SLC25A42: variants seen among roughly 807,000 people sequenced by gnomAD.
SLC25A42 encodes mitochondrial coenzyme A transporter SLC25A42.
A neutral mutation model predicts 34.7 loss-of-function variants in SLC25A42; 19 were observed. The ratio of observed to expected loss-of-function variants is 0.55; its 90% CI spans 0.38 to 0.80. The LOEUF is 0.80. Among genes scored for constraint, SLC25A42 ranks in the 30% least tolerant of loss-of-function variants. The pLI is 0.00. For synonymous variants in SLC25A42, 205 were observed against 191.2 expected (o/e 1.07, Z -0.59); for missense variants, 364 against 441.3 (o/e 0.82, Z 1.57).
chr19:19,086,626 G>T (rs1055205484), intron 1 of SLC25A42, among the ~76,000 whole-genome samples: 2 of 151,796 alleles, frequency 1.3e-5, no homozygotes, highest in Non-Finnish European at 2.9e-5. Flanking sequence ...TGTGGTTTTG[G>T]GGGGTTTTGC....
intron 2 of SLC25A42, among the ~76,000 whole-genome samples, chr19:19,099,617 C>G (rs1480428461): frequency 2.0e-5 from 3 of 152,180 alleles, no homozygotes; most frequent in Admixed American, 2.0e-4. Flanking sequence ...CATGCTCAGT[C>G]TGACTCCGGT....
At position 19,080,790 on chromosome 19, in the gene SLC25A42, C is replaced by T. The variant is rs148675449; in HGVS notation, c.-34-15301C>T. 3.6e-4 allele frequency among the ~76,000 whole-genome samples: 54 copies of T among 151,842 alleles called. No individual in the cohort carries two copies. The East Asian group carries it at 9.3e-3, about 26-fold the overall frequency. ...CAAAAATTAGCTGGGCTTGGTGGTA[C>T]CTATCTGTGGTCCCAGCTACTTGGG... On this transcript the variant is annotated intron_variant, in intron 1 of 7. Transcript: ENST00000318596.
At chr19:19,083,964 G>A (rs2059693754) in intron 1 of SLC25A42, among the ~76,000 whole-genome samples, 1 of 136,920 alleles carries the variant, frequency 7.3e-6, no homozygotes, top group Admixed American at 7.4e-5. Context: ...GCGTGCCCCT[G>A]CAGGCACCTT....
Position 19,110,774 on chromosome 19 carries a change from C to T in SLC25A42, c.855C>T (p.Tyr285=). Residue 285 remains tyrosine (Y), a synonymous_variant, in exon 8 of 8, where the codon TAC becomes TAT. Transcript: ENST00000318596. ...AGGAGGGCGCCGTGCGCGGCCTCTACAAAGGCTTGAGCATGAACTGGGTCA... is the reference window on the plus strand; with the variant it reads ...AGGAGGGCGCCGTGCGCGGCCTCTATAAAGGCTTGAGCATGAACTGGGTCA... ...VREEGAVRGL[Y]KGLSMNWVKG... The T allele has an allele frequency of 6.2e-7, 1 of 1,613,666 alleles. No homozygotes were observed. Among genetic ancestry groups the T allele is most frequent in the Non-Finnish European group, 8.5e-7 (1 of 1,179,974 alleles).
chr19:19,066,927 G>A (rs1333815472), intron 1 of SLC25A42, among the ~76,000 whole-genome samples: 2 of 151,342 alleles, frequency 1.3e-5, no homozygotes, highest in Non-Finnish European at 2.9e-5. Context: ...TGAGGTGGGA[G>A]GATTGCTTGA....
Position 19,081,709 on chromosome 19 carries a change from C to T in SLC25A42, c.-34-14382C>T, listed in dbSNP as rs1207430672. Among the ~76,000 whole-genome samples the T allele has an allele frequency of 2.6e-5, 4 of 152,194 alleles. No individual in the cohort carries two copies. The highest frequency in any genetic ancestry group is 9.7e-5 in the African/African-American group (4 of 41,440). On this transcript the variant is annotated intron_variant, in intron 1 of 7. Transcript: ENST00000318596. This position sits in a 1 kb window ranked among gnomAD's most constrained non-coding sequence, Gnocchi z 4.5. Reference sequence around the variant, plus strand: ...GGACAGGCTCCTGAGGCGCCCGCCACCTCCCTCCACTGCAGCCTACCGTCC... The same window carrying T: ...GGACAGGCTCCTGAGGCGCCCGCCATCTCCCTCCACTGCAGCCTACCGTCC...
At chr19:19,101,722 A>T (rs932631727) in intron 2 of SLC25A42, 59 bp from the exon 3 acceptor site, 2 of 1,477,738 alleles carry the variant, frequency 1.4e-6, no homozygotes, top group Non-Finnish European at 1.9e-6. Flanking sequence ...TTCTGGGGCA[A>T]GGTCCTCTGC....
intron 1 of SLC25A42, among the ~76,000 whole-genome samples, chr19:19,080,360 A>C (rs1427255125): frequency 6.6e-6 from 1 of 152,024 alleles, no homozygotes; most frequent in Non-Finnish European, 1.5e-5. Context: ...CCCACCCCCT[A>C]CCCATTGGAT....
intron 1 of SLC25A42, among the ~76,000 whole-genome samples, chr19:19,089,630 G>A (rs149735642): frequency 6.6e-6 from 1 of 151,994 alleles, no homozygotes; most frequent in African/African-American, 2.4e-5. Context: ...CACTTTGGGA[G>A]GCCAAGGAGG....
At chr19:19,075,130 G>A (rs1299840220) in intron 1 of SLC25A42, among the ~76,000 whole-genome samples, 2 of 152,074 alleles carry the variant, frequency 1.3e-5, no homozygotes, top group East Asian at 1.9e-4. Flanking sequence ...TCCAGCCTGG[G>A]TGACAGAGTG....
rs1304295158 is a variant in SLC25A42, at chr19:19,095,945, TAC to T, written c.-34-140_-34-139del. The T allele has an allele frequency of 5.7e-6, 4 of 704,314 alleles. No individual in the cohort carries two copies. In the Admixed American group the frequency reaches 8.0e-5, roughly 14 times the overall value. The allele number at this position is 704,314 out of a possible 1,614,324, so 43.6% of individuals were successfully genotyped here. On this transcript the variant is annotated intron_variant, in intron 1 of 7. Coordinates refer to ENST00000318596, the MANE Select transcript of SLC25A42 (RefSeq NM_178526.5). ...AAGGCTTTTGTAAATGATTAAGCAG[TAC>T]ACACAGGACCGTGGCTGCGGAATGC...
At position 19,104,940 on chromosome 19, in the gene SLC25A42, T is replaced by C; in HGVS notation, c.213+2T>C. The C allele has an allele frequency of 6.2e-7, 1 of 1,614,150 alleles. No homozygotes were observed. The highest frequency in any genetic ancestry group is 8.5e-7 in the Non-Finnish European group (1 of 1,180,012). On this transcript the variant is annotated splice_donor_variant, in intron 4 of 7. Coordinates refer to ENST00000318596, the MANE Select transcript of SLC25A42 (RefSeq NM_178526.5). LOFTEE classifies it high-confidence loss of function. The stretch of plus-strand genomic sequence containing the variant: ...TCTTCAAAAAGATTTTCTGCCAAGG[T>C]GAGCCACTATGTCACCGCCCCGGCC...
intron 3 of SLC25A42, 84 bp from the exon 4 acceptor site, chr19:19,104,829 T>C (rs2059817549): frequency 2.7e-6 from 4 of 1,483,546 alleles, no homozygotes; most frequent in Non-Finnish European, 3.8e-6. Context: ...GTGACTCTGC[T>C]AGTGGGTGCC....
intron 1 of SLC25A42, among the ~76,000 whole-genome samples, chr19:19,066,492 A>G (rs2059603424): frequency 7.0e-6 from 1 of 142,364 alleles, no homozygotes; most frequent in Admixed American, 7.4e-5. Context: ...TCTGTCGCCC[A>G]GGCTGGAGTG....
chr19:19,071,825 C>T (rs1001100507), intron 1 of SLC25A42, among the ~76,000 whole-genome samples: 1 of 151,630 alleles, frequency 6.6e-6, no homozygotes, highest in Non-Finnish European at 1.5e-5. Context: ...AAGATTGCAC[C>T]ACTGCACTCC....
chr19:19,097,554 C>T (rs968065517), intron 2 of SLC25A42, among the ~76,000 whole-genome samples: 8 of 152,262 alleles, frequency 5.3e-5, no homozygotes, highest in African/African-American at 1.9e-4. Context: ...GGGCATCACA[C>T]ACACATGCCC....
chr19:19,077,081 G>A (rs1339412534), intron 1 of SLC25A42, among the ~76,000 whole-genome samples: 1 of 152,218 alleles, frequency 6.6e-6, no homozygotes, highest in African/African-American at 2.4e-5. Flanking sequence ...CTACTCAGGA[G>A]GCTGAGGTAG....
chr19:19,098,636 T>C (rs1007483), intron 2 of SLC25A42, among the ~76,000 whole-genome samples: 126,878 of 152,036 alleles, frequency 0.83, 53,042 homozygotes, highest in East Asian at 0.91. Flanking sequence ...TTAAGAGCCT[T>C]GGCTGGGCCC....
rs117447119 is a variant in SLC25A42, at chr19:19,104,647, G to A, written c.188-266G>A. On this transcript the variant is annotated intron_variant, in intron 3 of 7. Coordinates refer to ENST00000318596, the MANE Select transcript of SLC25A42 (RefSeq NM_178526.5). Reference sequence around the variant, plus strand: ...GCTGAGACCCAAGTGCCTGGAGGCTGGGACACCTTCCCTGCAGGGGTTTGG... The same window carrying A: ...GCTGAGACCCAAGTGCCTGGAGGCTAGGACACCTTCCCTGCAGGGGTTTGG... Among the ~76,000 whole-genome samples, 111 of 152,316 alleles carry A rather than the reference G, an allele frequency of 7.3e-4. 1 individual carries two copies. In the East Asian group the frequency reaches 0.019, roughly 26 times the overall value.
Sources: gnomAD v4.1 joint callset for allele counts (sites outside exome capture counted in the v4.1 genomes callset) on GRCh38, gnomAD v4.1.1 for gene constraint, Gnocchi (gnomAD v3.1) non-coding constraint, MANE v1.5 for transcripts, NCBI Gene and HGNC (gene_info 2026-07-23, HGNC 2026-07-21) for gene names.